The following A2M variants were observed in gnomAD, a reference collection of about 807,000 sequenced individuals.
A2M encodes alpha-2-macroglobulin.
A2M carries 128 observed loss-of-function variants against 183.9 expected under a neutral mutation model. That is an observed-to-expected ratio of 0.70 (90% CI 0.60 to 0.81). The LOEUF is 0.81. Ranked by LOEUF, A2M falls within the 30% of genes least tolerant of loss-of-function variation. The probability of loss-of-function intolerance (pLI) is 0.00; values close to 1 mark genes in which losing one functional copy is unlikely to be tolerated. For synonymous variants in A2M, 592 were observed against 670.8 expected, an observed-to-expected ratio of 0.88 and a Z score of 1.81; for missense variants, 1,495 against 1,787.6, an observed-to-expected ratio of 0.84 and a Z score of 2.95.
intron 2 of A2M, among the ~76,000 whole-genome samples, chr12:9,113,027 C>T (rs745411375): frequency 3.3e-5 from 5 of 151,676 alleles, no homozygotes; most frequent in Non-Finnish European, 7.4e-5. Context: ...CAGTCCACCA[C>T]GGGTGGCTCA....
intron 7 of A2M, among the ~76,000 whole-genome samples, chr12:9,108,457 C>G: frequency 6.6e-6 from 1 of 152,276 alleles, no homozygotes; most frequent in South Asian, 2.1e-4. Context: ...GGGATTGTGT[C>G]GTAAATATGT....
rs1226107155 is a variant in A2M at position 9,099,420 on chromosome 12, A to T, written c.1662T>A (p.Asp554Glu). Reference sequence around the variant, plus strand: ...AATTTTCAACATCATATTTTGCAGAATCCCCAATCACGTCCCCGGTAGGTA... The same window carrying T: ...AATTTTCAACATCATATTTTGCAGATTCCCCAATCACGTCCCCGGTAGGTA... ...AVLPTGDVIG[D>E]SAKYDVENCL... The change falls in exon 14 of 36, where the codon GAT becomes GAA. Residue 554 changes from aspartate to glutamate, a missense_variant. By Grantham distance (45) the Asp-to-Glu change is conservative (BLOSUM62 2). Transcript: ENST00000318602. 6.3e-7 allele frequency: 1 copy of T among 1,578,206 alleles called. No individual in the cohort carries two copies. Among genetic ancestry groups the T allele is most frequent in the Non-Finnish European group, 8.6e-7 (1 of 1,161,548 alleles).
At chr12:9,069,998 C>T (rs751987620) in intron 32 of A2M, among the ~76,000 whole-genome samples, 185 bp from the exon 33 acceptor site, 1 of 152,176 alleles carries the variant, frequency 6.6e-6, no homozygotes, top group African/African-American at 2.4e-5. Context: ...ATTAGTATAA[C>T]ACACGACTAA....
chr12:9,094,680 G>C (rs1034286362), intron 17 of A2M, among the ~76,000 whole-genome samples: 4 of 152,166 alleles, frequency 2.6e-5, no homozygotes, highest in Middle Eastern at 6.8e-3. Context: ...TGGGGAAGTT[G>C]AACAGCTTTT....
rs375022005 is a variant in A2M, at chr12:9,077,346, A to G, written c.3351T>C (p.Thr1117=). 8.1e-6 allele frequency: 13 copies of G among 1,612,598 alleles called. No homozygotes were observed. The African/African-American group carries it at 1.6e-4, about 20-fold the overall frequency. The change falls in exon 27 of 36, where the codon ACT becomes ACC. Residue 1117 remains threonine (T), a splice_region_variant and synonymous_variant. Coordinates refer to ENST00000318602, the MANE Select transcript of A2M (RefSeq NM_000014.6). The part of the protein sequence containing the change: ...IALLEIPLTV[T]HPVVRNALFC... ...AGCAGAGGAATGGGGTGGTACCTAC[A>G]GTGACTGTGAGAGGAATCTCCAGAA...
chr12:9,087,522 G>A (rs1025906056), intron 22 of A2M, among the ~76,000 whole-genome samples: 2 of 152,090 alleles, frequency 1.3e-5, no homozygotes, highest in African/African-American at 4.8e-5. Context: ...TAAAAGGAAG[G>A]TGGTGTTCAA....
In A2M at chr12:9,106,549, C is replaced by G; in HGVS notation, c.936G>C (p.Lys312Asn). The G allele has an allele frequency of 6.3e-7, 1 of 1,598,052 alleles. No homozygotes were observed. The highest frequency in any genetic ancestry group is 8.5e-7 in the Non-Finnish European group (1 of 1,170,938). ...GAAGTTTCATTTCATACTCCTTCCT[C>G]TTCAGCTGGAAGACCTTGGTTTTTA... Reference protein sequence around the residue: ...QQVKTKVFQLKRKEYEMKLHT... With the variant: ...QQVKTKVFQLNRKEYEMKLHT... Residue 312 changes from lysine (K) to asparagine (N), a missense_variant, in exon 9 of 36, where the codon AAG (lysine) becomes AAC (asparagine). Transcript: ENST00000318602.
At chr12:9,100,842 GC>G (rs1481990668) in intron 13 of A2M, among the ~76,000 whole-genome samples, 2 of 152,154 alleles carry the variant, frequency 1.3e-5, no homozygotes, top group Non-Finnish European at 2.9e-5. Context: ...GGAAGTGGGA[GC>G]TAAGTTATGA....
Position 9,089,901 on chromosome 12 carries a change from C to T in A2M, c.2718+1G>A. The T allele has an allele frequency of 1.2e-6, 2 of 1,607,578 alleles. No individual in the cohort carries two copies. Among genetic ancestry groups the T allele is most frequent in the Non-Finnish European group, 1.7e-6 (2 of 1,175,576 alleles). On this transcript the variant is annotated splice_donor_variant, in intron 21 of 35. Transcript: ENST00000318602. LOFTEE classifies it high-confidence loss of function. ...ACTATATATTATTTAGGTTTACTTA[C>T]TTCAACCAACAGAGGCTTGATGACT... is the stretch of plus-strand genomic sequence containing the variant.
intron 8 of A2M, 45 bp downstream of exon 8, chr12:9,107,479 A>G: frequency 6.2e-7 from 1 of 1,603,432 alleles, no homozygotes; most frequent in Non-Finnish European, 8.5e-7. Context: ...GCTTTTCAAC[A>G]ATGCCTTTAT....
chr12:9,095,049 A>G lies in A2M; in HGVS notation c.2049T>C (p.Ile683=), dbSNP rs1419374591. The G allele has an allele frequency of 6.3e-7, 1 of 1,595,650 alleles. No individual in the cohort carries two copies. Among genetic ancestry groups the G allele is most frequent in the East Asian group, 2.3e-5 (1 of 44,270 alleles). Residue 683 remains isoleucine (I), a synonymous_variant, in exon 17 of 36, where the codon ATT becomes ATC. Coordinates refer to ENST00000318602, the MANE Select transcript of A2M (RefSeq NM_000014.6). The part of the protein sequence containing the change: ...MGLKAFTNSK[I]RKPKMCPQLQ... Reference sequence around the variant, plus strand: ...GCTGTGGACACATTTTGGGTTTACGAATCTTTGAGTTGGTGAATGCCTTTA... The same window carrying G: ...GCTGTGGACACATTTTGGGTTTACGGATCTTTGAGTTGGTGAATGCCTTTA...
chr12:9,068,219 A>T lies in A2M; in HGVS notation c.4372T>A (p.Phe1458Ile). Residue 1458 changes from phenylalanine to isoleucine, a missense_variant, in exon 35 of 36, where the codon TTT becomes ATT. Coordinates refer to ENST00000318602, the MANE Select transcript of A2M (RefSeq NM_000014.6). ...KVYDYYETDE[F>I]AIAEYNAPCS... ...GGAGCATTGTACTCAGCAATTGCAA[A>T]CTCATCTGAAAAAAAAAAAACCAAC... The T allele has an allele frequency of 3.1e-6, 5 of 1,608,294 alleles. No homozygotes were observed. The highest frequency in any genetic ancestry group is 4.2e-6 in the Non-Finnish European group (5 of 1,179,368).
rs1938284467 is a variant in A2M, at chr12:9,106,362, A to T, written c.995-17T>A. 6.4e-7 allele frequency: 1 copy of T among 1,563,908 alleles called. No homozygotes were observed. The highest frequency in any genetic ancestry group is 1.4e-5 in the African/African-American group (1 of 73,456). On this transcript the variant is annotated splice_polypyrimidine_tract_variant and intron_variant, in intron 9 of 35. Transcript: ENST00000318602. ...ATTCCACCACTGAAAAAAGAGAAAA[A>T]AATCTGTTATTTTTGGGAAGAATGA...
At chr12:9,099,330 T>C in intron 14 of A2M, 51 bp downstream of exon 14, 1 of 1,505,158 alleles carries the variant, frequency 6.6e-7, no homozygotes, top group Non-Finnish European at 9.1e-7. Flanking sequence ...ATGATAACAA[T>C]AGTAACTTCT....
intron 4 of A2M, chr12:9,111,562 G>T (rs773098030): frequency 2.2e-6 from 1 of 456,236 alleles, no homozygotes; most frequent in South Asian, 1.6e-5. Flanking sequence ...AGTGGATGTG[G>T]GTATGAGAGA....
intron 4 of A2M, among the ~76,000 whole-genome samples, chr12:9,111,796 AT>A (rs1938748364): frequency 6.6e-6 from 1 of 152,196 alleles, no homozygotes; most frequent in Admixed American, 6.5e-5. Context: ...TATAGTGAAG[AT>A]TTTGGTAGAT....
At position 9,115,788 on chromosome 12, in the gene A2M, G is replaced by A; in HGVS notation, c.62C>T (p.Thr21Ile). 6.2e-7 allele frequency: 1 copy of A among 1,613,392 alleles called. No individual in the cohort carries two copies. Among genetic ancestry groups the A allele is most frequent in the African/African-American group, 1.3e-5 (1 of 75,008 alleles). The change falls in exon 1 of 36, where the codon ACA (threonine) becomes ATA (isoleucine). Residue 21 changes from threonine to isoleucine, a missense_variant. Thr to Ile is a moderately conservative substitution (Grantham distance 89, BLOSUM62 -1). Transcript: ENST00000318602. ...LVLLLLVLLP[T>I]DASVSGKPQY... ...CGGTTTTCCAGAGACTGAGGCGTCT[G>A]TGGGCAGGAGGACCAAGAGGAGAAG...
chr12:9,069,693 T>C, intron 33 of A2M, 52 bp downstream of exon 33: 2 of 1,447,774 alleles, frequency 1.4e-6, no homozygotes, highest in Non-Finnish European at 1.9e-6. Context: ...AGATGTTCCC[T>C]TAGAGGATTA....
chr12:9,107,299 T>C (rs1938366765), intron 8 of A2M, among the ~76,000 whole-genome samples: 1 of 152,202 alleles, frequency 6.6e-6, no homozygotes, highest in Non-Finnish European at 1.5e-5. Context: ...ATGGAGGCTT[T>C]AGATGGCTCA....
Sources: allele counts gnomAD v4.1 joint callset (sites outside exome capture counted in the v4.1 genomes callset), GRCh38; gene constraint gnomAD v4.1.1; transcripts MANE v1.5; gene names NCBI Gene and HGNC (gene_info 2026-07-23, HGNC 2026-07-21).